Variants in TDRD1 observed in about 807,000 individuals in gnomAD.
TDRD1 encodes tudor domain-containing protein 1.
In TDRD1, 37 loss-of-function variants were observed where a neutral mutation model predicts 140.6. The observed-to-expected ratio is 0.26, with a 90% CI of 0.20 to 0.35. The LOEUF (loss-of-function observed/expected upper bound fraction) is 0.35. Ranked by LOEUF, TDRD1 falls within the 10% of genes least tolerant of loss-of-function variation. TDRD1 has a pLI of 1.00. For synonymous variants in TDRD1, 506 were observed against 475.7 expected, an observed-to-expected ratio of 1.06 and a Z score of -0.83; for missense variants, 1,243 against 1,393.0, an observed-to-expected ratio of 0.89 and a Z score of 1.71.
chr10:114,231,325 A>T (rs553291273), intron 25 of TDRD1, among the ~76,000 whole-genome samples: 1 of 152,196 alleles, frequency 6.6e-6, no homozygotes, highest in African/African-American at 2.4e-5. Context: ...ATATTATGCT[A>T]TGTTATGGTG....
chr10:114,214,147 C>A lies in TDRD1; in HGVS notation c.2212+33C>A, dbSNP rs776325076. On this transcript the variant is annotated intron_variant, in intron 16 of 25. Coordinates refer to ENST00000251864, the Ensembl canonical transcript of TDRD1. ...GATTCTTGTCATTTGTTTCTTTTTA[C>A]AAATACATTGGCATAGATAATAACT... The A allele has an allele frequency of 1.9e-6, 3 of 1,598,492 alleles. No individual in the cohort carries two copies. In the South Asian group the frequency reaches 3.3e-5, roughly 18 times the overall value.
upstream of TDRD1, among the ~76,000 whole-genome samples, chr10:114,175,850 G>C (rs1313430938): frequency 2.0e-5 from 3 of 152,000 alleles, no homozygotes; most frequent in African/African-American, 7.2e-5. Context: ...TTTTTTTAAT[G>C]TCATTGACCC....
chr10:114,223,511 T>A (rs984150016), intron 21 of TDRD1, among the ~76,000 whole-genome samples: 2 of 152,222 alleles, frequency 1.3e-5, no homozygotes, highest in Non-Finnish European at 2.9e-5. Context: ...GGCACCAAAT[T>A]GTTTTTGTTG....
At chr10:114,204,699 G>A in intron 9 of TDRD1, 23 bp from the exon 10 acceptor site, 1 of 1,566,090 alleles carries the variant, frequency 6.4e-7, no homozygotes, top group Non-Finnish European at 8.6e-7. Flanking sequence ...ATTTTTGTAA[G>A]TAACCTGCGT....
At chr10:114,216,511 C>T (rs1489417197) in intron 16 of TDRD1, among the ~76,000 whole-genome samples, 1 of 152,128 alleles carries the variant, frequency 6.6e-6, no homozygotes, top group Non-Finnish European at 1.5e-5. Context: ...TATCTGACCC[C>T]ATGGTTGTGA....
At chr10:114,183,563 G>T (rs1034219388) in intron 1 of TDRD1, among the ~76,000 whole-genome samples, 7 of 151,476 alleles carry the variant, frequency 4.6e-5, no homozygotes, top group Admixed American at 3.3e-4. Flanking sequence ...TTTCTTTTGC[G>T]GTTATAATTA....
chr10:114,203,692 C>A, intron 8 of TDRD1, 125 bp downstream of exon 8: 1 of 808,636 alleles, frequency 1.2e-6, no homozygotes, highest in Non-Finnish European at 1.9e-6. Flanking sequence ...GCTTCTATTC[C>A]TCTTCAGTAT....
chr10:114,222,093 CT>C (rs1464888490), intron 20 of TDRD1, among the ~76,000 whole-genome samples: 3 of 152,152 alleles, frequency 2.0e-5, no homozygotes, highest in African/African-American at 7.2e-5. Flanking sequence ...AAAGTTAGAA[CT>C]GTGGTAATGC....
chr10:114,177,400 C>A (rs2032715626), upstream of TDRD1, among the ~76,000 whole-genome samples: 1 of 152,192 alleles, frequency 6.6e-6, no homozygotes, highest in Non-Finnish European at 1.5e-5. Flanking sequence ...TGATATGATG[C>A]AATAAAAATG....
At chr10:114,214,377 T>C (rs2035675268) in intron 16 of TDRD1, among the ~76,000 whole-genome samples, 1 of 152,198 alleles carries the variant, frequency 6.6e-6, no homozygotes, top group Admixed American at 6.6e-5. Flanking sequence ...CAGAAATTAA[T>C]TCGGCCTGGT....
intron 13 of TDRD1, among the ~76,000 whole-genome samples, chr10:114,211,626 A>C (rs2035490678): frequency 6.6e-6 from 1 of 152,210 alleles, no homozygotes; most frequent in Non-Finnish European, 1.5e-5. Context: ...ACTCTACTGG[A>C]GAGACAAGGC....
chr10:114,226,288 T>A, intron 22 of TDRD1, 72 bp downstream of exon 22: 2 of 1,080,822 alleles, frequency 1.9e-6, no homozygotes, highest in Non-Finnish European at 2.7e-6. Flanking sequence ...TTCATAGCTC[T>A]AAGTCGGAAT....
intron 1 of TDRD1, among the ~76,000 whole-genome samples, chr10:114,186,263 G>GT (rs2033513942): frequency 7.3e-6 from 1 of 137,076 alleles, no homozygotes; most frequent in African/African-American, 2.8e-5. Flanking sequence ...TTCCCCTGGA[G>GT]TTTTTTTGTT....
intron 3 of TDRD1, among the ~76,000 whole-genome samples, chr10:114,192,429 C>G (rs943958450): frequency 1.3e-5 from 2 of 151,008 alleles, no homozygotes; most frequent in Middle Eastern, 3.2e-3. Context: ...CTCAGCCTCC[C>G]GAGTAGCTGG....
chr10:114,210,781 C>G (rs1382513392), intron 12 of TDRD1, 33 bp downstream of exon 12: 2 of 1,610,736 alleles, frequency 1.2e-6, no homozygotes, highest in East Asian at 2.2e-5. Flanking sequence ...CTCTATGAAG[C>G]TAAAATACTT....
intron 25 of TDRD1, chr10:114,228,890 C>A: frequency 1.8e-6 from 1 of 545,474 alleles, no homozygotes; most frequent in Non-Finnish European, 2.3e-6. Context: ...TCGAAGTCAG[C>A]CTGGCCAAGA....
rs759540330 is a variant in TDRD1, at chr10:114,220,701, C to T, written c.2628C>T (p.Leu876=). ...GGATAGGAGTTGAACTCACCGATCTCTCCACTTGTTATCCCAGAATAATTA... is the reference window on the plus strand; with the variant it reads ...GGATAGGAGTTGAACTCACCGATCTTTCCACTTGTTATCCCAGAATAATTA... Residue 876 remains leucine (L), a synonymous_variant, in exon 19 of 26, where the codon CTC becomes CTT. Transcript: ENST00000251864. 4.3e-6 allele frequency: 7 copies of T among 1,613,914 alleles called. No homozygotes were observed. The African/African-American group carries it at 8.0e-5, about 18-fold the overall frequency.
chr10:114,200,966 G>A (rs1234729894), intron 4 of TDRD1, among the ~76,000 whole-genome samples: 1 of 146,466 alleles, frequency 6.8e-6, no homozygotes, highest in Non-Finnish European at 1.5e-5. Context: ...AGATTCTCCT[G>A]CTTCAGCCTC....
intron 20 of TDRD1, 102 bp downstream of exon 20, chr10:114,221,578 T>C (rs781612639): frequency 2.6e-6 from 3 of 1,168,392 alleles, no homozygotes; most frequent in Non-Finnish European, 3.7e-6. Context: ...AGAAAGAGGC[T>C]CACTGTTTTA....
Sources: gnomAD v4.1 joint callset for allele counts (sites outside exome capture counted in the v4.1 genomes callset) on GRCh38, gnomAD v4.1.1 for gene constraint, MANE v1.5 for transcripts, NCBI Gene and HGNC (gene_info 2026-07-23, HGNC 2026-07-21) for gene names.